Variants in CDH13 observed in about 807,000 individuals in gnomAD.
The protein encoded by CDH13 is cadherin-13.
A neutral mutation model predicts 63.8 loss-of-function variants in CDH13; 24 were observed. That is an observed-to-expected ratio of 0.38 (90% CI 0.27 to 0.53). The LOEUF (loss-of-function observed/expected upper bound fraction) is 0.53. Ranked by LOEUF, CDH13 falls within the 20% of genes least tolerant of loss-of-function variation. The pLI is 0.85. For synonymous variants in CDH13, 503 were observed against 355.3 expected, an observed-to-expected ratio of 1.42 and a Z score of -4.67; for missense variants, 1,049 against 903.1, an observed-to-expected ratio of 1.16 and a Z score of -2.07.
intron 1 of CDH13, among the ~76,000 whole-genome samples, chr16:82,628,058 G>C (rs1597156532): frequency 6.6e-6 from 1 of 152,250 alleles, no homozygotes; most frequent in African/African-American, 2.4e-5. Context: ...CTGCACCTCA[G>C]AGATTTCGGG....
rs1916414561 is a variant in CDH13, at chr16:83,032,117, G to T, written c.265G>T (p.Ala89Ser). Residue 89 changes from alanine to serine, a missense_variant, in exon 3 of 14, where the codon GCA becomes TCA. Transcript: ENST00000567109. ...CTTAGTTGCTCTGAGAAACATAACT[G>T]CAGTGGGCAAAACTCTGTTCGTCCA... Reference protein sequence around the residue: ...GGLVALRNITAVGKTLFVHAR... With the variant: ...GGLVALRNITSVGKTLFVHAR... 1 of 1,613,338 alleles carries T rather than the reference G, an allele frequency of 6.2e-7. No homozygotes were observed. Among genetic ancestry groups the T allele is most frequent in the African/African-American group, 1.3e-5 (1 of 74,904 alleles).
At position 82,886,437 on chromosome 16, in the gene CDH13, G is replaced by A. The variant is rs2040888682; in HGVS notation, c.157+27964G>A. Among the ~76,000 whole-genome samples the A allele has an allele frequency of 2.0e-5, 3 of 152,094 alleles. No homozygotes were observed. In the South Asian group the frequency reaches 6.2e-4, roughly 32 times the overall value. ...TTTGCCATTTCGGTAGACAAACATG[G>A]GATGTTATTGCTATTTTATTAACTT... On this transcript the variant is annotated intron_variant, in intron 2 of 13. Coordinates refer to ENST00000567109, the MANE Select transcript of CDH13 (RefSeq NM_001257.5).
chr16:82,976,056 G>C (rs1434353026), intron 2 of CDH13, among the ~76,000 whole-genome samples: 1 of 152,190 alleles, frequency 6.6e-6, no homozygotes, highest in African/African-American at 2.4e-5. Context: ...TGGTCAGAAG[G>C]CCAGTAACAA....
chr16:83,564,673 T>C (rs1006067840), intron 7 of CDH13, among the ~76,000 whole-genome samples: 15 of 152,150 alleles, frequency 9.9e-5, no homozygotes, highest in African/African-American at 3.6e-4. Flanking sequence ...CCTCCCAAAG[T>C]GCTGAGATTA....
In CDH13 at chr16:83,486,580, T is replaced by A; in HGVS notation, c.885T>A (p.Ser295=). ...NIRQQTPDKP[S]PNMFYIDPEK... ...GTCAGCAGACGCCTGACAAGCCATC[T>A]CCCAACATGTTCTACATCGATCCTG... is the stretch of plus-strand genomic sequence containing the variant. Residue 295 remains serine, a synonymous_variant, in exon 7 of 14, where the codon TCT becomes TCA. Transcript: ENST00000567109. 1 of 1,613,958 alleles carries A rather than the reference T, an allele frequency of 6.2e-7. No homozygotes were observed. The highest frequency in any genetic ancestry group is 1.1e-5 in the South Asian group (1 of 91,074).
chr16:82,772,407 A>G (rs917836749), intron 1 of CDH13, among the ~76,000 whole-genome samples: 4 of 152,160 alleles, frequency 2.6e-5, no homozygotes, highest in Non-Finnish European at 4.4e-5. Flanking sequence ...TACCAGCTGC[A>G]ATATGGTAGG....
intron 1 of CDH13, among the ~76,000 whole-genome samples, chr16:82,673,950 T>G (rs1410069476): frequency 1.3e-5 from 2 of 152,214 alleles, no homozygotes; most frequent in East Asian, 3.8e-4. Context: ...TTGGTTTAGT[T>G]TGTTAATTAA....
chr16:83,028,536 T>C (rs1356144736), intron 2 of CDH13, among the ~76,000 whole-genome samples: 1 of 152,176 alleles, frequency 6.6e-6, no homozygotes, highest in Non-Finnish European at 1.5e-5. Flanking sequence ...AGTCCCTGCT[T>C]GTCCTCAGGG....
At chr16:83,376,969 T>C (rs1292543541) in intron 6 of CDH13, among the ~76,000 whole-genome samples, 1 of 152,092 alleles carries the variant, frequency 6.6e-6, no homozygotes, top group Non-Finnish European at 1.5e-5. Context: ...GCTCAAGCTA[T>C]ATGAAAGGGC....
intron 2 of CDH13, among the ~76,000 whole-genome samples, chr16:82,993,492 C>T (rs780344983): frequency 7.9e-5 from 12 of 152,160 alleles, no homozygotes; most frequent in Non-Finnish European, 1.5e-4. Context: ...TCTTTGACTT[C>T]CTCGCCAGCC....
At chr16:83,664,067 G>A (rs189213122) in intron 8 of CDH13, among the ~76,000 whole-genome samples, 1 of 152,062 alleles carries the variant, frequency 6.6e-6, no homozygotes, top group African/African-American at 2.4e-5. Context: ...TAAGGCAGAA[G>A]GATCACTTGA....
chr16:82,768,923 C>T (rs911199254), intron 1 of CDH13, among the ~76,000 whole-genome samples: 2 of 152,168 alleles, frequency 1.3e-5, no homozygotes, highest in Non-Finnish European at 2.9e-5. Context: ...GTTAGCAGGT[C>T]TCTTGCTTTC....
intron 3 of CDH13, among the ~76,000 whole-genome samples, chr16:83,076,273 A>G (rs887603101): frequency 1.3e-5 from 2 of 152,182 alleles, no homozygotes; most frequent in African/African-American, 4.8e-5. Flanking sequence ...CAAATGTTCC[A>G]TGTAAAACTA....
chr16:83,785,389 C>T (rs542231867), intron 13 of CDH13, among the ~76,000 whole-genome samples: 1 of 152,202 alleles, frequency 6.6e-6, no homozygotes, highest in African/African-American at 2.4e-5. Flanking sequence ...CCCATCCCAT[C>T]CATGAGGACA....
At chr16:82,788,653 C>T (rs2036140964) in intron 1 of CDH13, among the ~76,000 whole-genome samples, 2 of 152,180 alleles carry the variant, frequency 1.3e-5, no homozygotes, top group South Asian at 4.1e-4. Context: ...TATCTATAGG[C>T]CTAACAGCCA....
intron 7 of CDH13, among the ~76,000 whole-genome samples, chr16:83,566,845 A>G (rs1244247589): frequency 6.6e-6 from 1 of 152,200 alleles, no homozygotes; most frequent in Non-Finnish European, 1.5e-5. Flanking sequence ...TCAGCTCCTA[A>G]GAATCACTCC....
intron 4 of CDH13, among the ~76,000 whole-genome samples, chr16:83,136,359 G>C (rs537924155): frequency 6.6e-6 from 1 of 151,634 alleles, no homozygotes; most frequent in African/African-American, 2.4e-5. Context: ...AGTGGTGTGC[G>C]CCTGTAGTCC....
chr16:82,668,994 C>A (rs1912929508), intron 1 of CDH13, among the ~76,000 whole-genome samples: 1 of 152,162 alleles, frequency 6.6e-6, no homozygotes, highest in Non-Finnish European at 1.5e-5. Flanking sequence ...ACAGTGCAGT[C>A]CTGCTGATTT....
intron 11 of CDH13, among the ~76,000 whole-genome samples, chr16:83,772,377 C>T (rs1230215275): frequency 6.6e-6 from 1 of 151,988 alleles, no homozygotes; most frequent in African/African-American, 2.4e-5. Flanking sequence ...CACTTGAAGC[C>T]ATTTGGATAA....
Sources: allele counts gnomAD v4.1 joint callset (sites outside exome capture counted in the v4.1 genomes callset), GRCh38; gene constraint gnomAD v4.1.1; transcripts MANE v1.5; gene names NCBI Gene and HGNC (gene_info 2026-07-23, HGNC 2026-07-21).